The following WDTC1 variants were observed in gnomAD, a reference collection of about 807,000 sequenced individuals.
WDTC1 encodes the protein WD and tetratricopeptide repeats protein 1.
A neutral mutation model predicts 76.0 loss-of-function variants in WDTC1; 12 were observed. The observed-to-expected ratio is 0.16, with a 90% CI of 0.10 to 0.26. The LOEUF is 0.26. WDTC1 is among the 10% of genes least tolerant of loss of function. The pLI, the probability that WDTC1 is intolerant of heterozygous loss-of-function variation, is 1.00. For missense variants in WDTC1, 511 were observed against 908.8 expected (o/e 0.56, Z 5.63); for synonymous variants, 326 against 350.8 (o/e 0.93, Z 0.79).
At chr1:27,248,420 T>C (rs2011922277) in intron 1 of WDTC1, among the ~76,000 whole-genome samples, 1 of 152,220 alleles carries the variant, frequency 6.6e-6, no homozygotes, top group East Asian at 1.9e-4. Context: ...TGAGCTTTTT[T>C]TCATATGCTT....
intron 12 of WDTC1, among the ~76,000 whole-genome samples, chr1:27,298,979 G>C (rs889750999): frequency 1.3e-5 from 2 of 152,112 alleles, no homozygotes; most frequent in African/African-American, 4.8e-5. Flanking sequence ...GCTGTCCCCC[G>C]GCCTTAGCTA....
At chr1:27,273,302 A>G (rs1263421257) in intron 3 of WDTC1, among the ~76,000 whole-genome samples, 1 of 130,770 alleles carries the variant, frequency 7.6e-6, no homozygotes, top group East Asian at 2.4e-4. Flanking sequence ...TCTGCCTCCC[A>G]GGTTCACGCC....
At chr1:27,261,204 A>G (rs1254911258) in intron 2 of WDTC1, 102 bp downstream of exon 2, 2 of 1,364,816 alleles carry the variant, frequency 1.5e-6, no homozygotes, top group East Asian at 2.4e-5. Flanking sequence ...TGACTTGCCT[A>G]AAGTCACGTA....
At chr1:27,243,508 G>A (rs1003137829) in intron 1 of WDTC1, among the ~76,000 whole-genome samples, 1 of 151,984 alleles carries the variant, frequency 6.6e-6, no homozygotes, top group Non-Finnish European at 1.5e-5. Context: ...CACCACACCC[G>A]GCCCAGTAAT....
chr1:27,253,227 C>G (rs2012142636), intron 1 of WDTC1, among the ~76,000 whole-genome samples: 1 of 151,992 alleles, frequency 6.6e-6, no homozygotes, highest in South Asian at 2.1e-4. Context: ...CCAGGATGGT[C>G]TTGATCTCCT....
intron 3 of WDTC1, among the ~76,000 whole-genome samples, chr1:27,265,549 G>A (rs2012633153): frequency 1.3e-5 from 2 of 152,014 alleles, no homozygotes; most frequent in South Asian, 4.2e-4. Context: ...TATTTGGGAG[G>A]CTAAAATGGG....
chr1:27,262,293 AT>A (rs2012505414), intron 2 of WDTC1, among the ~76,000 whole-genome samples: 1 of 152,062 alleles, frequency 6.6e-6, no homozygotes, highest in South Asian at 2.1e-4. Context: ...TGTGGTCACC[AT>A]TTAGAAGGAT....
intron 2 of WDTC1, among the ~76,000 whole-genome samples, chr1:27,261,567 C>G (rs1195975406): frequency 6.6e-6 from 1 of 152,198 alleles, no homozygotes; most frequent in Non-Finnish European, 1.5e-5. Context: ...AGAAGACACT[C>G]TGATACCTGT....
chr1:27,289,944 A>C (rs2013484807), intron 6 of WDTC1, among the ~76,000 whole-genome samples: 1 of 151,984 alleles, frequency 6.6e-6, no homozygotes, highest in Non-Finnish European at 1.5e-5. Context: ...AGTACAGTCC[A>C]GCTTCGGCTC....
In WDTC1 at chr1:27,261,111, C is replaced by T. The variant is rs752872943; in HGVS notation, c.48+9C>T. On this transcript the variant is annotated intron_variant, in intron 2 of 15. Coordinates refer to ENST00000319394, the MANE Select transcript of WDTC1 (RefSeq NM_001276252.2). ...TCCGTAGGCAGATCAAGGTAAGCAG[C>T]CCAGACTTCTGCACCAGATCATGAG... is the stretch of plus-strand genomic sequence containing the variant. 5.6e-6 allele frequency: 9 copies of T among 1,613,846 alleles called. No homozygotes were observed. The highest frequency in any genetic ancestry group is 1.7e-5 in the Admixed American group (1 of 59,980).
chr1:27,292,284 G>C lies in WDTC1; in HGVS notation c.549G>C (p.Gln183His), dbSNP rs2013554701. 6.2e-7 allele frequency: 1 copy of C among 1,613,152 alleles called. No individual in the cohort carries two copies. Among genetic ancestry groups the C allele is most frequent in the Non-Finnish European group, 8.5e-7 (1 of 1,179,666 alleles). Residue 183 changes from glutamine (Q) to histidine (H), a missense_variant, in exon 7 of 16, where the codon CAG (glutamine) becomes CAC (histidine). Gln to His is a conservative substitution (Grantham distance 24, BLOSUM62 0). Coordinates refer to ENST00000319394, the MANE Select transcript of WDTC1 (RefSeq NM_001276252.2). ...TTGACCTGACAGAGTACTGTGGCCA[G>C]CTGGTGGAGGCCAAGTGCCTCACTG... ...VLIDLTEYCG[Q>H]LVEAKCLTVN...
intron 10 of WDTC1, 108 bp downstream of exon 10, chr1:27,296,509 A>T: frequency 8.4e-7 from 1 of 1,193,610 alleles, no homozygotes; most frequent in Non-Finnish European, 1.2e-6. Flanking sequence ...ATCCTCCAAA[A>T]ATAGCAGATC....
chr1:27,306,154 C>T lies in WDTC1; in HGVS notation c.1837-32C>T. The T allele has an allele frequency of 6.2e-7, 1 of 1,613,234 alleles. No homozygotes were observed. Among genetic ancestry groups the T allele is most frequent in the East Asian group, 2.2e-5 (1 of 44,886 alleles). ...ACCCTGGTGCCTCTCCCTCCCTGAG[C>T]CCCACGTGTGTCACCCCTTTCTCCA... On this transcript the variant is annotated intron_variant, in intron 15 of 15. Coordinates refer to ENST00000319394, the MANE Select transcript of WDTC1 (RefSeq NM_001276252.2). This position sits in a 1 kb window ranked among gnomAD's most constrained non-coding sequence, Gnocchi z 5.0.
In WDTC1 at chr1:27,304,229, A is replaced by G. The variant is rs533988343; in HGVS notation, c.1643+434A>G. ...CTGTGCCCTGTGTACTAAGGGACAA[A>G]CTCTGTGTTTCAGACACCATCATCC... is the stretch of plus-strand genomic sequence containing the variant. On this transcript the variant is annotated intron_variant, in intron 14 of 15. Coordinates refer to ENST00000319394, the MANE Select transcript of WDTC1 (RefSeq NM_001276252.2). 14 of 177,532 alleles carry G rather than the reference A, an allele frequency of 7.9e-5. No homozygotes were observed. In the South Asian group the frequency reaches 1.6e-3, roughly 21 times the overall value. 11.0% of individuals were successfully genotyped at this position (177,532 alleles called of 1,614,324 possible). A position where few individuals can be genotyped will look rare whatever the true frequency, so the allele number is the denominator to read the frequency against.
At chr1:27,289,387 TCGCGGC>T (rs987745070) in intron 6 of WDTC1, among the ~76,000 whole-genome samples, 3 of 130,810 alleles carry the variant, frequency 2.3e-5, no homozygotes. Flanking sequence ...CCAGACGGGG[TCGCGGC>T]CGGGCAGAGG....
chr1:27,291,074 A>G (rs1481594242), intron 6 of WDTC1, among the ~76,000 whole-genome samples: 1 of 152,228 alleles, frequency 6.6e-6, no homozygotes. Flanking sequence ...GTGTTTAGGC[A>G]TAGGCACAGT....
chr1:27,301,422 C>T lies in WDTC1; in HGVS notation c.1429C>T (p.Arg477Cys), dbSNP rs1452820194. 3 of 1,613,750 alleles carry T rather than the reference C, an allele frequency of 1.9e-6. No homozygotes were observed. Among genetic ancestry groups the T allele is most frequent in the African/African-American group, 1.3e-5 (1 of 74,892 alleles). Residue 477 changes from arginine (R) to cysteine (C), a missense_variant, in exon 13 of 16, where the codon CGC (arginine) becomes TGC (cysteine). Transcript: ENST00000319394. This position sits in a 1 kb window ranked among gnomAD's most constrained non-coding sequence, Gnocchi z 5.8. ...CAGCAGCGCTTGTGATGCATTGGGC[C>T]GCGACATCACAGCTGCCCTCTTCTC... ...AHSSACDALG[R>C]DITAALFSKN...
At position 27,274,111 on chromosome 1, in the gene WDTC1, A is replaced by C. The variant is rs2012953800; in HGVS notation, c.133-8128A>C. ...TTGTGACCAGCCTGGGCAACATAAC[A>C]GGACCTCATCTCTACAAAAAAATAC... On this transcript the variant is annotated intron_variant, in intron 3 of 15. Transcript: ENST00000319394. The surrounding 1 kb of genome is among the most constrained non-coding windows in gnomAD (Gnocchi z 4.2). Among the ~76,000 whole-genome samples, 1 of 151,912 alleles carries C rather than the reference A, an allele frequency of 6.6e-6. No homozygotes were observed. The highest frequency in any genetic ancestry group is 1.5e-5 in the Non-Finnish European group (1 of 67,958).
intron 6 of WDTC1, among the ~76,000 whole-genome samples, chr1:27,288,440 T>G (rs1171835877): frequency 6.6e-6 from 1 of 151,796 alleles, no homozygotes; most frequent in Non-Finnish European, 1.5e-5. Flanking sequence ...GGAGGGAAGG[T>G]CAGCAGATTA....
Sources: gnomAD v4.1 joint callset for allele counts (sites outside exome capture counted in the v4.1 genomes callset) on GRCh38, gnomAD v4.1.1 for gene constraint, Gnocchi (gnomAD v3.1) non-coding constraint, MANE v1.5 for transcripts, NCBI Gene and HGNC (gene_info 2026-07-23, HGNC 2026-07-21) for gene names.